The following GAS2 variants were observed in gnomAD, a reference collection of about 807,000 sequenced individuals.
GAS2 encodes growth arrest specific 2.
In GAS2, 20 loss-of-function variants were observed where a neutral mutation model predicts 37.5. The observed-to-expected ratio is 0.53, with a 90% CI of 0.37 to 0.77. The LOEUF is 0.77. Among genes scored for constraint, GAS2 ranks in the 30% least tolerant of loss-of-function variants. GAS2 has a pLI of 0.00. For synonymous variants in GAS2, 144 were observed against 132.2 expected, an observed-to-expected ratio of 1.09 and a Z score of -0.61; for missense variants, 336 against 373.4, an observed-to-expected ratio of 0.90 and a Z score of 0.82.
At chr11:22,631,780 C>T (rs1858747540) in intron 1 of GAS2, among the ~76,000 whole-genome samples, 1 of 151,596 alleles carries the variant, frequency 6.6e-6, no homozygotes, top group African/African-American at 2.4e-5. Flanking sequence ...CTGTAATTTT[C>T]CTTTTTGTTA....
chr11:22,750,556 A>T (rs1228887536), intron 6 of GAS2, among the ~76,000 whole-genome samples: 1 of 152,080 alleles, frequency 6.6e-6, no homozygotes, highest in African/African-American at 2.4e-5. Flanking sequence ...ATTTAAAGCT[A>T]CTGAAAAGGA....
intron 2 of GAS2, among the ~76,000 whole-genome samples, chr11:22,675,433 A>G (rs1031570316): frequency 6.6e-6 from 1 of 152,202 alleles, no homozygotes; most frequent in Non-Finnish European, 1.5e-5. Context: ...AAACTGCTGA[A>G]TACCCAAACT....
At chr11:22,696,604 G>A (rs1186800799) in intron 3 of GAS2, among the ~76,000 whole-genome samples, 1 of 151,934 alleles carries the variant, frequency 6.6e-6, no homozygotes, top group Middle Eastern at 3.2e-3. Context: ...TCCAGCACCT[G>A]TTGTTTCCTG....
chr11:22,729,163 T>C (rs1852357496), intron 4 of GAS2, among the ~76,000 whole-genome samples: 2 of 151,838 alleles, frequency 1.3e-5, no homozygotes, highest in Non-Finnish European at 2.9e-5. Flanking sequence ...TGTGTTTGAA[T>C]GATAAAGTAG....
intron 7 of GAS2, among the ~76,000 whole-genome samples, chr11:22,778,886 G>T (rs1343860591): frequency 1.3e-5 from 2 of 152,128 alleles, no homozygotes; most frequent in Non-Finnish European, 2.9e-5. Flanking sequence ...GGCAGCTTCT[G>T]TTGAAGGGGG....
intron 1 of GAS2, among the ~76,000 whole-genome samples, chr11:22,640,749 A>G (rs1464311638): frequency 6.6e-6 from 1 of 152,182 alleles, no homozygotes; most frequent in Non-Finnish European, 1.5e-5. Flanking sequence ...CAAGTGCAAA[A>G]GAAATTTTTT....
intron 4 of GAS2, among the ~76,000 whole-genome samples, chr11:22,734,335 T>A (rs1053150388): frequency 1.3e-5 from 2 of 151,850 alleles, no homozygotes; most frequent in Admixed American, 6.6e-5. Flanking sequence ...TTTATATCTT[T>A]ACATGTTGGC....
At position 22,770,560 on chromosome 11, in the gene GAS2, G is replaced by A. The variant is rs1010037780; in HGVS notation, c.723+14607G>A. Among the ~76,000 whole-genome samples the A allele has an allele frequency of 2.0e-5, 3 of 152,134 alleles. No homozygotes were observed. The East Asian group carries it at 5.8e-4, about 29-fold the overall frequency. ...TGATATGTTTCTCTTGTAGAATTGA[G>A]ACACAGACTTGATATCTGTCATCTT... On this transcript the variant is annotated intron_variant, in intron 7 of 7. Transcript: ENST00000454584.
chr11:22,670,141 A>G (rs562472537), intron 1 of GAS2, among the ~76,000 whole-genome samples: 11 of 152,306 alleles, frequency 7.2e-5, no homozygotes, highest in Admixed American at 2.0e-4. Context: ...AACGTGATTG[A>G]CCAATAAACT....
At chr11:22,777,300 A>G (rs1455319713) in intron 7 of GAS2, among the ~76,000 whole-genome samples, 2 of 152,224 alleles carry the variant, frequency 1.3e-5, no homozygotes, top group East Asian at 1.9e-4. Context: ...CCTCTTGTAT[A>G]TAAGGAACTG....
chr11:22,804,517 A>G (rs1240691966), intron 7 of GAS2, among the ~76,000 whole-genome samples: 1 of 152,136 alleles, frequency 6.6e-6, no homozygotes, highest in Non-Finnish European at 1.5e-5. Flanking sequence ...GGGCAGAAGC[A>G]AAGTGTACTG....
At chr11:22,769,093 A>G (rs1326669806) in intron 7 of GAS2, among the ~76,000 whole-genome samples, 2 of 152,250 alleles carry the variant, frequency 1.3e-5, no homozygotes, top group African/African-American at 2.4e-5. Flanking sequence ...TATGGCAGAC[A>G]GTTTTATTCA....
intron 1 of GAS2, among the ~76,000 whole-genome samples, chr11:22,654,315 C>G (rs748872544): frequency 3.9e-5 from 6 of 152,102 alleles, no homozygotes; most frequent in Non-Finnish European, 5.9e-5. Flanking sequence ...TTAAACCCCT[C>G]TAGTTGAAAT....
intron 4 of GAS2, among the ~76,000 whole-genome samples, chr11:22,732,604 T>C (rs1022856654): frequency 6.6e-6 from 1 of 151,754 alleles, no homozygotes; most frequent in African/African-American, 2.4e-5. Flanking sequence ...CAGATTTTTG[T>C]GTGGGTCTTA....
chr11:22,747,374 A>T (rs955588), intron 5 of GAS2, among the ~76,000 whole-genome samples: 27,245 of 152,064 alleles, frequency 0.18, 2,638 homozygotes, highest in East Asian at 0.37. Flanking sequence ...TGTACAACAG[A>T]TTAGAAATAT....
chr11:22,633,738 A>G (rs1410266935), intron 1 of GAS2, among the ~76,000 whole-genome samples: 1 of 152,224 alleles, frequency 6.6e-6, no homozygotes, highest in Non-Finnish European at 1.5e-5. Flanking sequence ...GGCCAGCAGG[A>G]AAGTGATCCA....
chr11:22,748,132 C>A (rs1461837455), intron 5 of GAS2, among the ~76,000 whole-genome samples: 1 of 151,874 alleles, frequency 6.6e-6, no homozygotes, highest in Non-Finnish European at 1.5e-5. Context: ...TTAAAAAAAA[C>A]ATGTTTTTAA....
At chr11:22,629,567 G>A (rs1858716659) in intron 1 of GAS2, among the ~76,000 whole-genome samples, 1 of 152,182 alleles carries the variant, frequency 6.6e-6, no homozygotes, top group Non-Finnish European at 1.5e-5. Context: ...GGGATGTTGA[G>A]TATTTTTTCA....
intron 7 of GAS2, among the ~76,000 whole-genome samples, chr11:22,780,864 A>G (rs1443142863): frequency 6.6e-6 from 1 of 152,214 alleles, no homozygotes; most frequent in Non-Finnish European, 1.5e-5. Context: ...ATTTGGAAAC[A>G]GCTTAATCCT....
Sources: gnomAD v4.1 joint callset for allele counts (sites outside exome capture counted in the v4.1 genomes callset) on GRCh38, gnomAD v4.1.1 for gene constraint, MANE v1.5 for transcripts, NCBI Gene and HGNC (gene_info 2026-07-23, HGNC 2026-07-21) for gene names.